Variants in KANK1 observed in about 807,000 individuals in gnomAD.
KANK1 encodes KN motif and ankyrin repeat domain-containing protein 1.
Under a neutral mutation model 106.2 loss-of-function variants are expected in KANK1, and 109 were observed. The observed-to-expected ratio is 1.03, with a 90% CI of 0.88 to 1.20. The LOEUF is 1.20. Ranked by LOEUF, KANK1 falls within the 50% of genes most tolerant of loss-of-function variation. The pLI is 0.00. For synonymous variants in KANK1, 873 were observed against 652.2 expected (o/e 1.34, Z -5.16); for missense variants, 2,399 against 1,710.7 (o/e 1.40, Z -7.10).
At chr9:516,998 T>TAC (rs148954863) in intron 1 of KANK1, among the ~76,000 whole-genome samples, 9,900 of 145,490 alleles carry the variant, frequency 0.068, 425 homozygotes, top group Middle Eastern at 0.12. Flanking sequence ...CATCACCCTC[T>TAC]ACACACACAC....
chr9:583,518 C>A (rs1822687610), intron 1 of KANK1, among the ~76,000 whole-genome samples: 1 of 151,922 alleles, frequency 6.6e-6, no homozygotes, highest in Non-Finnish European at 1.5e-5. Flanking sequence ...ATACACATGA[C>A]AAAGCTTAAT....
intron 1 of KANK1, among the ~76,000 whole-genome samples, chr9:588,579 A>G (rs939475606): frequency 8.0e-4 from 121 of 151,516 alleles, no homozygotes; most frequent in African/African-American, 2.9e-3. Context: ...GTAGTTAGCA[A>G]TTTGAAAAAA....
intron 1 of KANK1, among the ~76,000 whole-genome samples, chr9:644,314 C>T (rs1163984456): frequency 6.6e-6 from 1 of 150,856 alleles, no homozygotes; most frequent in Non-Finnish European, 1.5e-5. Flanking sequence ...TGGTGACTAC[C>T]TATGATTTGT....
intron 2 of KANK1, among the ~76,000 whole-genome samples, chr9:688,178 A>T (rs1417438279): frequency 6.6e-6 from 1 of 152,204 alleles, no homozygotes. Context: ...CATGTGTGAC[A>T]CTTCACCTGG....
At chr9:534,783 C>G (rs890709798) in intron 1 of KANK1, among the ~76,000 whole-genome samples, 3 of 152,212 alleles carry the variant, frequency 2.0e-5, no homozygotes, top group Non-Finnish European at 4.4e-5. Flanking sequence ...AAAGCACCAA[C>G]ACTAAAACAT....
chr9:713,368 A>G lies in KANK1; in HGVS notation c.2602A>G (p.Ser868Gly), dbSNP rs748447539. 12 of 1,614,190 alleles carry G rather than the reference A, an allele frequency of 7.4e-6. No individual in the cohort carries two copies. In the Middle Eastern group the frequency reaches 8.3e-4, roughly 111 times the overall value. Residue 868 changes from serine to glycine, a missense_variant, in exon 3 of 12, where the codon AGC becomes GGC. Ser to Gly is a moderately conservative substitution (Grantham distance 56, BLOSUM62 0). Transcript: ENST00000382297. Reference protein sequence around the residue: ...QMGSLNSQLISTLSSINSVMK... With the variant: ...QMGSLNSQLIGTLSSINSVMK... ...GGGCTCCCTCAACTCTCAGCTCATC[A>G]GCACCCTGTCGTCTATCAACTCTGT... is the stretch of plus-strand genomic sequence containing the variant.
chr9:609,189 A>G (rs1481780694), intron 1 of KANK1, among the ~76,000 whole-genome samples: 1 of 152,222 alleles, frequency 6.6e-6, no homozygotes, highest in Non-Finnish European at 1.5e-5. Context: ...TAAACTGCTA[A>G]TTGCAGTGGT....
intron 2 of KANK1, among the ~76,000 whole-genome samples, chr9:691,611 ATTTTT>A (rs767618077): frequency 5.6e-5 from 4 of 71,082 alleles, no homozygotes; most frequent in Non-Finnish European, 8.4e-5. Context: ...TAATACCAGA[ATTTTT>A]TTTTTTTTTT....
intron 1 of KANK1, among the ~76,000 whole-genome samples, chr9:639,316 T>G (rs1837858923): frequency 6.6e-6 from 1 of 152,080 alleles, no homozygotes. Flanking sequence ...GATTATTTTA[T>G]TTTTATTTAT....
At chr9:522,543 G>A (rs1417988858) in intron 1 of KANK1, among the ~76,000 whole-genome samples, 2 of 151,684 alleles carry the variant, frequency 1.3e-5, no homozygotes, top group Non-Finnish European at 2.9e-5. Flanking sequence ...GAGCCCTTTT[G>A]CTCATGAGGA....
At chr9:700,952 C>T (rs559290230) in intron 2 of KANK1, among the ~76,000 whole-genome samples, 85 of 152,266 alleles carry the variant, frequency 5.6e-4, no homozygotes, top group Non-Finnish European at 1.0e-3. Context: ...CCACAGGACA[C>T]ATTATTTCAC....
chr9:575,485 T>C (rs184327718), intron 1 of KANK1, among the ~76,000 whole-genome samples: 13 of 129,140 alleles, frequency 1.0e-4, no homozygotes, highest in Non-Finnish European at 1.4e-4. Context: ...TTGGGCAACA[T>C]AGCAAGACCC....
chr9:535,979 C>T (rs1039897683), intron 1 of KANK1, among the ~76,000 whole-genome samples: 2 of 152,178 alleles, frequency 1.3e-5, no homozygotes, highest in African/African-American at 4.8e-5. Context: ...CAGCACCCCA[C>T]TTCCAGGTAC....
chr9:474,438 G>A (rs1013207839), intron 3 of KANK1, among the ~76,000 whole-genome samples: 2 of 152,200 alleles, frequency 1.3e-5, no homozygotes, highest in Admixed American at 6.5e-5. Context: ...AAAATGAGAT[G>A]TATGAGGGCT....
intron 2 of KANK1, among the ~76,000 whole-genome samples, chr9:699,531 T>G (rs1822145419): frequency 6.6e-6 from 1 of 152,066 alleles, no homozygotes; most frequent in Non-Finnish European, 1.5e-5. Context: ...CAGATAAGAT[T>G]ATCTGTGAGA....
chr9:666,851 G>C (rs756837418), intron 1 of KANK1, among the ~76,000 whole-genome samples: 19 of 129,916 alleles, frequency 1.5e-4, no homozygotes, highest in African/African-American at 5.5e-4. Flanking sequence ...AATATTTTTT[G>C]TTGAGGATTT....
At chr9:549,888 G>T (rs1321760076) in intron 1 of KANK1, among the ~76,000 whole-genome samples, 4 of 152,140 alleles carry the variant, frequency 2.6e-5, no homozygotes, top group Non-Finnish European at 5.9e-5. Flanking sequence ...AGGGTAAAAT[G>T]AACCTTAATG....
In KANK1 at chr9:595,582, G is replaced by C. The variant is rs140661229; in HGVS notation, c.-83-81308G>C. 5.7e-4 allele frequency among the ~76,000 whole-genome samples: 86 copies of C among 151,984 alleles called. 3 individuals carry two copies. The Middle Eastern group carries it at 0.01, about 18-fold the overall frequency. On this transcript the variant is annotated intron_variant, in intron 1 of 11. Transcript: ENST00000382297. ...ACTCTGTTGCCCAGGCTAGAGAGCA[G>C]TGGCGTGATCATTGCTTACTGAAGC...
At chr9:546,167 C>G (rs567881098) in intron 1 of KANK1, among the ~76,000 whole-genome samples, 9 of 152,270 alleles carry the variant, frequency 5.9e-5, no homozygotes, top group African/African-American at 1.9e-4. Context: ...GCTGGGTGCA[C>G]TTGTTTAGTG....
Sources: allele counts gnomAD v4.1 joint callset (sites outside exome capture counted in the v4.1 genomes callset), GRCh38; gene constraint gnomAD v4.1.1; transcripts MANE v1.5; gene names NCBI Gene and HGNC (gene_info 2026-07-23, HGNC 2026-07-21).